The following UNC93A variants were observed in gnomAD, a reference collection of about 807,000 sequenced individuals.
UNC93A encodes unc-93 homolog A.
A neutral mutation model predicts 47.5 loss-of-function variants in UNC93A; 43 were observed. The observed-to-expected ratio is 0.91, with a 90% CI of 0.71 to 1.17. The LOEUF is 1.17. Ranked by LOEUF, UNC93A falls within the 50% of genes most tolerant of loss-of-function variation. UNC93A has a pLI of 0.00. For synonymous variants in UNC93A, 280 were observed against 258.0 expected (o/e 1.09, Z -0.82); for missense variants, 605 against 577.6 (o/e 1.05, Z -0.49).
chr6:167,270,771 C>T (rs1456285866), upstream of UNC93A, among the ~76,000 whole-genome samples: 11 of 152,274 alleles, frequency 7.2e-5, no homozygotes, highest in South Asian at 6.2e-4. Flanking sequence ...CGTCTACAAA[C>T]GAGGGTTTCC....
chr6:167,313,528 G>A (rs192031473), intron 7 of UNC93A, among the ~76,000 whole-genome samples: 59 of 152,156 alleles, frequency 3.9e-4, no homozygotes, highest in Non-Finnish European at 7.9e-4. Context: ...AGTGGAGTGA[G>A]TCCCTTTCTT....
intron 3 of UNC93A, among the ~76,000 whole-genome samples, chr6:167,297,344 T>C (rs3010544): frequency 0.22 from 33,979 of 152,108 alleles, 4,025 homozygotes; most frequent in African/African-American, 0.3. Context: ...CTGTCTGTTA[T>C]ATAATTTGTG....
chr6:167,308,045 G>T (rs1393168556), intron 7 of UNC93A, 135 bp downstream of exon 7: 2 of 1,251,246 alleles, frequency 1.6e-6, no homozygotes, highest in Non-Finnish European at 2.2e-6. Context: ...GGGCCAAGAG[G>T]GCTTTGATGT....
At chr6:167,269,173 G>A (rs140894771), upstream of UNC93A, among the ~76,000 whole-genome samples, 553 of 152,342 alleles carry the variant, frequency 3.6e-3, 6 homozygotes, top group African/African-American at 0.012. Context: ...GCTGGAGACC[G>A]GCGGAACAGG....
upstream of UNC93A, among the ~76,000 whole-genome samples, chr6:167,290,009 AT>A (rs1783813704): frequency 6.6e-6 from 1 of 152,138 alleles, no homozygotes; most frequent in Non-Finnish European, 1.5e-5. Flanking sequence ...TGAAGTTAAC[AT>A]TTTTGCTATA....
At chr6:167,291,146 C>CGTA (rs781626982), upstream of UNC93A, among the ~76,000 whole-genome samples, 1 of 152,110 alleles carries the variant, frequency 6.6e-6, no homozygotes, top group Non-Finnish European at 1.5e-5. Flanking sequence ...ATCACTTTAC[C>CGTA]ATCTGGACCA....
At position 167,291,437 on chromosome 6, in the gene UNC93A, A is replaced by C; in HGVS notation, c.-53A>C. 6.5e-7 allele frequency: 1 copy of C among 1,543,540 alleles called. No individual in the cohort carries two copies. The highest frequency in any genetic ancestry group is 8.9e-7 in the Non-Finnish European group (1 of 1,123,950). On this transcript the variant is annotated 5_prime_UTR_variant, in exon 1 of 8. It removes the in-frame stop codon of an upstream open reading frame in the 5' UTR. Coordinates refer to ENST00000230256, the MANE Select transcript of UNC93A (RefSeq NM_018974.4). ...TCCCATGCCTCAATTGGTTTCTTTT[A>C]GGGAGCTACAAATTTACGTGTTCAC...
chr6:167,309,944 A>G (rs543550518), intron 7 of UNC93A, among the ~76,000 whole-genome samples: 30 of 152,290 alleles, frequency 2.0e-4, no homozygotes, highest in Admixed American at 3.3e-4. Flanking sequence ...GAAGGGGTAG[A>G]CTGGACCCGA....
chr6:167,274,015 G>A (rs981545717), intron 1 of UNC93A, among the ~76,000 whole-genome samples: 3 of 152,148 alleles, frequency 2.0e-5, no homozygotes, highest in African/African-American at 4.8e-5. Context: ...AAGGGAACAG[G>A]ATTTTCTACA....
intron 1 of UNC93A, among the ~76,000 whole-genome samples, chr6:167,284,064 A>C (rs971076258): frequency 1.2e-4 from 19 of 152,178 alleles, no homozygotes; most frequent in African/African-American, 4.3e-4. Flanking sequence ...ATACTTGCTG[A>C]ATGCAAACAA....
rs56077084 is a variant in UNC93A, at chr6:167,291,413, C to T, written c.-77C>T. 4.5e-3 allele frequency: 5,905 copies of T among 1,310,468 alleles called. 23 individuals carry two copies. Among genetic ancestry groups the T allele is most frequent in the Non-Finnish European group, 5.9e-3 (5,440 of 923,790 alleles). The allele number at this position is 1,310,468 out of a possible 1,614,324, so 81.2% of individuals were successfully genotyped here. A position where few individuals can be genotyped will look rare whatever the true frequency, so the allele number is the denominator to read the frequency against. ...GGACTTCTTGGTACTGATTGTTTTT[C>T]CCATGCCTCAATTGGTTTCTTTTAG... On this transcript the variant is annotated 5_prime_UTR_variant, in exon 1 of 8. Coordinates refer to ENST00000230256, the MANE Select transcript of UNC93A (RefSeq NM_018974.4).
At chr6:167,292,468 G>A (rs1562347714) in intron 1 of UNC93A, among the ~76,000 whole-genome samples, 1 of 152,176 alleles carries the variant, frequency 6.6e-6, no homozygotes, top group Non-Finnish European at 1.5e-5. Flanking sequence ...CTGTTGTTGT[G>A]CAAACACTTG....
chr6:167,312,862 A>T (rs1433711975), intron 7 of UNC93A, among the ~76,000 whole-genome samples: 1 of 152,200 alleles, frequency 6.6e-6, no homozygotes, highest in African/African-American at 2.4e-5. Flanking sequence ...ATCTTGAGTA[A>T]TTCCCTGAAA....
chr6:167,273,971 T>C (rs1371924759), intron 1 of UNC93A, among the ~76,000 whole-genome samples: 1 of 152,114 alleles, frequency 6.6e-6, no homozygotes, highest in Non-Finnish European at 1.5e-5. Flanking sequence ...AGAAACTTAG[T>C]GGAGTATTTC....
At chr6:167,295,957 A>G (rs1778074014) in intron 2 of UNC93A, 75 bp from the exon 3 acceptor site, 5 of 1,405,714 alleles carry the variant, frequency 3.6e-6, no homozygotes, top group Admixed American at 1.8e-5. Flanking sequence ...CAGATTGACT[A>G]AAGAACTGCA....
chr6:167,296,437 G>C (rs1406972908), intron 3 of UNC93A, among the ~76,000 whole-genome samples, 176 bp downstream of exon 3: 7 of 152,212 alleles, frequency 4.6e-5, no homozygotes, highest in Non-Finnish European at 1.5e-5. Flanking sequence ...CCTGTTACCT[G>C]CTGTCTTCTG....
intron 1 of UNC93A, among the ~76,000 whole-genome samples, chr6:167,273,595 T>C (rs555868799): frequency 7.9e-5 from 12 of 152,280 alleles, no homozygotes; most frequent in African/African-American, 2.6e-4. Context: ...TGAGTGACCA[T>C]GGCCCGTGAC....
intron 5 of UNC93A, 141 bp downstream of exon 5, chr6:167,304,274 A>G (rs1778321768): frequency 6.0e-6 from 5 of 836,096 alleles, no homozygotes; most frequent in Non-Finnish European, 9.6e-6. Flanking sequence ...CTATGCTCCC[A>G]GTGCTACCAT....
At chr6:167,299,202 GTATATA>G (rs3046657) in intron 4 of UNC93A, among the ~76,000 whole-genome samples, 42,695 of 147,318 alleles carry the variant, frequency 0.29, 7,644 homozygotes, top group African/African-American at 0.49. Flanking sequence ...ATTTCTATAT[GTATATA>G]TATATATATA....
Sources: allele counts gnomAD v4.1 joint callset (sites outside exome capture counted in the v4.1 genomes callset), GRCh38; gene constraint gnomAD v4.1.1; transcripts MANE v1.5; gene names NCBI Gene and HGNC (gene_info 2026-07-23, HGNC 2026-07-21).